The following ART4 variants were observed in gnomAD, a reference collection of about 807,000 sequenced individuals.
ART4 encodes the protein ecto-ADP-ribosyltransferase 4.
Under a neutral mutation model 24.2 loss-of-function variants are expected in ART4, and 14 were observed. That is an observed-to-expected ratio of 0.58 (90% CI 0.38 to 0.90). The LOEUF (loss-of-function observed/expected upper bound fraction) is 0.90. Among genes scored for constraint, ART4 ranks in the 40% least tolerant of loss-of-function variants. The probability of loss-of-function intolerance (pLI) is 0.00; values close to 1 mark genes in which losing one functional copy is unlikely to be tolerated. For synonymous variants in ART4, 145 were observed against 139.9 expected (o/e 1.04, Z -0.26); for missense variants, 356 against 366.6 (o/e 0.97, Z 0.24).
chr12:14,832,731 ACTACTGTCTTGC>A (rs1335318335), intron 2 of ART4, among the ~76,000 whole-genome samples: 2 of 152,190 alleles, frequency 1.3e-5, no homozygotes, highest in African/African-American at 4.8e-5. Flanking sequence ...ACACATAGAC[ACTACTGTCTTGC>A]AATCATAGTC....
rs1257891128 is a variant in ART4, at chr12:14,827,486, C to T, written c.*1885G>A. On this transcript the variant is annotated 3_prime_UTR_variant, in exon 3 of 3. Transcript: ENST00000228936. ...GTGTGAACTTGGCTCACTGCACTACCTCCGCCTCCTGGGTTTAGGCAATTT... is the reference window on the plus strand; with the variant it reads ...GTGTGAACTTGGCTCACTGCACTACTTCCGCCTCCTGGGTTTAGGCAATTT... The T allele has an allele frequency of 6.6e-6, 1 of 152,354 alleles. No homozygotes were observed. Among genetic ancestry groups the T allele is most frequent in the East Asian group, 1.9e-4 (1 of 5,180 alleles). 9.4% of individuals were successfully genotyped at this position (152,354 alleles called of 1,614,324 possible). A position where few individuals can be genotyped will look rare whatever the true frequency, so the allele number is the denominator to read the frequency against.
At chr12:14,834,808 TA>T (rs1950418803) in intron 2 of ART4, among the ~76,000 whole-genome samples, 5 of 152,212 alleles carry the variant, frequency 3.3e-5, no homozygotes, top group Admixed American at 2.6e-4. Flanking sequence ...ATGGAATAAT[TA>T]GAGAGGAAAG....
rs562864132 is a variant in ART4 at position 14,835,075 on chromosome 12, C to A, written c.853+5370G>T. 6.3e-4 allele frequency among the ~76,000 whole-genome samples: 96 copies of A among 152,268 alleles called. 1 individual carries two copies. The highest frequency in any genetic ancestry group is 2.3e-3 in the African/African-American group (96 of 41,544). ...TTTTAAAGGTCTTCAAGTGGTCTTT[C>A]CAGTATCACGTCTGTCAGATTGAGA... On this transcript the variant is annotated intron_variant, in intron 2 of 2. Coordinates refer to ENST00000228936, the MANE Select transcript of ART4 (RefSeq NM_021071.4).
intron 1 of ART4, 125 bp from the exon 2 acceptor site, chr12:14,841,278 A>G (rs1863049114): frequency 1.1e-5 from 9 of 809,928 alleles, no homozygotes; most frequent in Non-Finnish European, 1.7e-5. Flanking sequence ...AGTAAGTTAC[A>G]CTGAAAATCA....
At chr12:14,839,227 T>C (rs1950450081) in intron 2 of ART4, among the ~76,000 whole-genome samples, 1 of 152,166 alleles carries the variant, frequency 6.6e-6, no homozygotes, top group Non-Finnish European at 1.5e-5. Flanking sequence ...AGAATTCTCC[T>C]ACCTGGATAA....
At position 14,840,997 on chromosome 12, in the gene ART4, G is replaced by T; in HGVS notation, c.301C>A (p.His101Asn). ...TTTCCTTGGTTAAGCCAGGCTAAGT[G>T]GGCTTTTTGCCACATCCTAAAATAA... ...KNYFRMWQKAHLAWLNQGKVL... is the reference protein window; with the variant it reads ...KNYFRMWQKANLAWLNQGKVL... Residue 101 changes from histidine to asparagine, a missense_variant, in exon 2 of 3, where the codon CAC becomes AAC. By Grantham distance (68) the His-to-Asn change is moderately conservative (BLOSUM62 1). Coordinates refer to ENST00000228936, the MANE Select transcript of ART4 (RefSeq NM_021071.4). 1 of 1,614,144 alleles carries T rather than the reference G, an allele frequency of 6.2e-7. No individual in the cohort carries two copies.
rs1259256675 is a variant in ART4 at position 14,828,027 on chromosome 12, C to T, written c.*1344G>A. The T allele has an allele frequency of 6.6e-6, 1 of 152,150 alleles. No homozygotes were observed. The highest frequency in any genetic ancestry group is 2.4e-5 in the African/African-American group (1 of 41,438). 9.4% of individuals were successfully genotyped at this position (152,150 alleles called of 1,614,324 possible). Reference sequence around the variant, plus strand: ...CATCTTTACTCCATTTAGCCTGATACCAGGGTCTTCAGTGATCGTGATCGG... The same window carrying T: ...CATCTTTACTCCATTTAGCCTGATATCAGGGTCTTCAGTGATCGTGATCGG... On this transcript the variant is annotated 3_prime_UTR_variant, in exon 3 of 3. Transcript: ENST00000228936.
intron 2 of ART4, among the ~76,000 whole-genome samples, chr12:14,835,310 T>G: frequency 6.6e-6 from 1 of 152,098 alleles, no homozygotes; most frequent in East Asian, 1.9e-4. Context: ...AGCAGTGAAG[T>G]GGGAAATGGT....
rs1376844583 is a variant in ART4 at position 14,840,700 on chromosome 12, C to G, written c.598G>C (p.Ala200Pro). 6 of 1,613,982 alleles carry G rather than the reference C, an allele frequency of 3.7e-6. No individual in the cohort carries two copies. The highest frequency in any genetic ancestry group is 5.1e-6 in the Non-Finnish European group (6 of 1,180,002). The change falls in exon 2 of 3, where the codon GCC (alanine) becomes CCC (proline). Residue 200 changes from alanine (A) to proline (P), a missense_variant. Physicochemically the swap from Ala to Pro is conservative, Grantham distance 27. Transcript: ENST00000228936. Reference sequence around the variant, plus strand: ...AGGAATTGGCCAAATCGAATGGTGGCCCCTGTGTAGGCATTAAAGTGGACA... The same window carrying G: ...AGGAATTGGCCAAATCGAATGGTGGGCCCTGTGTAGGCATTAAAGTGGACA... ...KDVHFNAYTG[A>P]TIRFGQFLST...
At position 14,841,077 on chromosome 12, in the gene ART4, A is replaced by G. The variant is rs569342021; in HGVS notation, c.221T>C (p.Met74Thr). ...ATAATCCCCTTGAGTTAGTTTCTCC[A>G]TAACCTGTTTGCTACAGCCTTGGTA... The part of the protein sequence containing the change: ...DQYQGCSKQV[M>T]EKLTQGDYFT... The change falls in exon 2 of 3, where the codon ATG (methionine) becomes ACG (threonine). Residue 74 changes from methionine to threonine, a missense_variant. Met to Thr is a moderately conservative substitution (Grantham distance 81). Transcript: ENST00000228936. 29 of 1,614,192 alleles carry G rather than the reference A, an allele frequency of 1.8e-5. No homozygotes were observed. In the South Asian group the frequency reaches 2.6e-4, roughly 15 times the overall value.
rs149987225 is a variant in ART4, at chr12:14,840,549, T to C, written c.749A>G (p.Tyr250Cys). 3.1e-6 allele frequency: 5 copies of C among 1,613,990 alleles called. No homozygotes were observed. In the African/African-American group the frequency reaches 4.0e-5, roughly 13 times the overall value. ...SLKKEVLIPP[Y>C]ELFKVINMSY... ...CATATTTATAACTTTAAACAGCTCA[T>C]AGGGAGGGATCAAGACTTCCTTCTT... The change falls in exon 2 of 3, where the codon TAT (tyrosine) becomes TGT (cysteine). Residue 250 changes from tyrosine to cysteine, a missense_variant. Physicochemically the swap from Tyr to Cys is radical, Grantham distance 194. Transcript: ENST00000228936.
intron 2 of ART4, among the ~76,000 whole-genome samples, chr12:14,831,577 T>C (rs1950396308): frequency 6.6e-6 from 1 of 152,090 alleles, no homozygotes; most frequent in African/African-American, 2.4e-5. Context: ...TCCATCTTCT[T>C]TGTACTTGAC....
At chr12:14,831,326 G>A (rs1950394707) in intron 2 of ART4, among the ~76,000 whole-genome samples, 2 of 146,816 alleles carry the variant, frequency 1.4e-5, no homozygotes, top group South Asian at 4.3e-4. Flanking sequence ...CTAGAGTACA[G>A]CAGTGTGATC....
At chr12:14,829,882 AT>A (rs1416774075) in intron 2 of ART4, among the ~76,000 whole-genome samples, 1 of 152,174 alleles carries the variant, frequency 6.6e-6, no homozygotes, top group Admixed American at 6.5e-5. Flanking sequence ...CAACAAACCT[AT>A]GAGATTTTTA....
rs1950365492 is a variant in ART4 at position 14,827,323 on chromosome 12, C to T, written c.*2048G>A. The T allele has an allele frequency of 6.6e-6, 1 of 152,194 alleles. No homozygotes were observed. Among genetic ancestry groups the T allele is most frequent in the African/African-American group, 2.4e-5 (1 of 41,442 alleles). 9.4% of individuals were successfully genotyped at this position (152,194 alleles called of 1,614,324 possible). ...TGCTCCCAGAGCCATGTCCCCAGGA[C>T]TCTCTACTAGGTAGCCACCAAACTG... On this transcript the variant is annotated 3_prime_UTR_variant, in exon 3 of 3. Transcript: ENST00000228936.
intron 2 of ART4, among the ~76,000 whole-genome samples, chr12:14,838,482 C>T (rs1416003979): frequency 6.6e-6 from 1 of 152,152 alleles, no homozygotes. Context: ...TGGAACCTGG[C>T]TATGAATGTT....
chr12:14,840,632 G>T lies in ART4; in HGVS notation c.666C>A (p.Asn222Lys). The T allele has an allele frequency of 6.2e-7, 1 of 1,614,126 alleles. No homozygotes were observed. Among genetic ancestry groups the T allele is most frequent in the Non-Finnish European group, 8.5e-7 (1 of 1,180,018 alleles). The stretch of plus-strand genomic sequence containing the variant: ...AGGTGAATATGGTAAATAGTGTCTG[G>T]TTCCCAAACTCCTGTGCCTCTTCTT... ...LLKEEAQEFG[N>K]QTLFTIFTCL... The change falls in exon 2 of 3, where the codon AAC becomes AAA. Residue 222 changes from asparagine (N) to lysine (K), a missense_variant. Physicochemically the swap from Asn to Lys is moderately conservative, Grantham distance 94 (BLOSUM62 0). Coordinates refer to ENST00000228936, the MANE Select transcript of ART4 (RefSeq NM_021071.4).
At chr12:14,839,499 T>A (rs1420426074) in intron 2 of ART4, among the ~76,000 whole-genome samples, 2 of 152,226 alleles carry the variant, frequency 1.3e-5, no homozygotes, top group Non-Finnish European at 2.9e-5. Flanking sequence ...TGAGGGCCTT[T>A]ATGCTATACC....
rs562880078 is a variant in ART4, at chr12:14,841,620, C to T, written c.145-467G>A. On this transcript the variant is annotated intron_variant, in intron 1 of 2. Coordinates refer to ENST00000228936, the MANE Select transcript of ART4 (RefSeq NM_021071.4). ...AGCTATGAATAGTACTAAGGGGGCT[C>T]TCATAAGTAACAACCTTCTTGTCTA... Among the ~76,000 whole-genome samples, 14 of 152,276 alleles carry T rather than the reference C, an allele frequency of 9.2e-5. No homozygotes were observed. In the South Asian group the frequency reaches 2.7e-3, roughly 29 times the overall value.
Sources: allele counts gnomAD v4.1 joint callset (sites outside exome capture counted in the v4.1 genomes callset), GRCh38; gene constraint gnomAD v4.1.1; transcripts MANE v1.5; gene names NCBI Gene and HGNC (gene_info 2026-07-23, HGNC 2026-07-21).